The following CCDC27 variants were observed in gnomAD, a reference collection of about 807,000 sequenced individuals.
CCDC27 encodes coiled-coil domain-containing protein 27.
In CCDC27, 80 loss-of-function variants were observed where a neutral mutation model predicts 80.3. The ratio of observed to expected loss-of-function variants is 1.00; its 90% CI spans 0.83 to 1.20. The LOEUF is 1.20. Among genes scored for constraint, CCDC27 ranks in the 50% most tolerant of loss-of-function variants. The pLI is 0.00. For missense variants in CCDC27, 815 were observed against 809.4 expected (o/e 1.01, Z -0.08); for synonymous variants, 342 against 334.3 (o/e 1.02, Z -0.25).
At chr1:3,764,798 G>A (rs1643188940) in intron 8 of CCDC27, among the ~76,000 whole-genome samples, 1 of 152,180 alleles carries the variant, frequency 6.6e-6, no homozygotes, top group African/African-American at 2.4e-5. Flanking sequence ...CACTTTGGGA[G>A]GCTGAGGCAG....
At chr1:3,770,888 A>G (rs1643344491) in intron 11 of CCDC27, among the ~76,000 whole-genome samples, 1 of 152,194 alleles carries the variant, frequency 6.6e-6, no homozygotes, top group Non-Finnish European at 1.5e-5. Flanking sequence ...GCCAGGGAAG[A>G]GCACCTTTGC....
chr1:3,764,468 C>CT lies in CCDC27; in HGVS notation c.1452+640dup, dbSNP rs1553153864. The stretch of plus-strand genomic sequence containing the variant: ...CCATCTTAACATTATTTAATGCTTC[C>CT]TTTTTTTTCCTCCCTTGCCACCGCC... On this transcript the variant is annotated intron_variant, in intron 8 of 11. Transcript: ENST00000294600. 1.5e-3 allele frequency among the ~76,000 whole-genome samples: 224 copies of CT among 152,002 alleles called. 1 individual carries two copies. The highest frequency in any genetic ancestry group is 3.4e-3 in the Middle Eastern group (1 of 290).
At chr1:3,762,741 A>G (rs1224529178) in intron 6 of CCDC27, 29 bp downstream of exon 6, 1 of 1,541,234 alleles carries the variant, frequency 6.5e-7, no homozygotes, top group Non-Finnish European at 8.8e-7. Context: ...GCAGGCACGC[A>G]GTGGGGGACC....
chr1:3,769,928 C>G lies in CCDC27; in HGVS notation c.1848+41C>G. ...CAGCTGCCTCTATCCGGGCCCCAGA[C>G]CCCCAGGCCAGAGCTGTGGTAGGGG... On this transcript the variant is annotated intron_variant, in intron 11 of 11. Transcript: ENST00000294600. The surrounding 1 kb of genome is among the most constrained non-coding windows in gnomAD (Gnocchi z 4.6). 4.2e-6 allele frequency: 6 copies of G among 1,442,546 alleles called. No homozygotes were observed. Among genetic ancestry groups the G allele is most frequent in the Non-Finnish European group, 5.9e-6 (6 of 1,023,810 alleles). The allele number at this position is 1,442,546 out of a possible 1,614,324, so 89.4% of individuals were successfully genotyped here. A position where few individuals can be genotyped will look rare whatever the true frequency, so the allele number is the denominator to read the frequency against.
At chr1:3,755,960 T>C (rs1642942243) in intron 3 of CCDC27, 1 of 208,590 alleles carries the variant, frequency 4.8e-6, no homozygotes, top group Non-Finnish European at 1.0e-5. Context: ...TTTCTTGCCT[T>C]AACTGGAGGA....
At chr1:3,767,661 G>A (rs773893560) in intron 10 of CCDC27, among the ~76,000 whole-genome samples, 19 of 152,380 alleles carry the variant, frequency 1.2e-4, no homozygotes, top group East Asian at 1.9e-4. Flanking sequence ...GGAAATGTTC[G>A]TCAATGGCAG....
chr1:3,770,362 C>G (rs1473119057), intron 11 of CCDC27, among the ~76,000 whole-genome samples: 1 of 152,154 alleles, frequency 6.6e-6, no homozygotes, highest in Non-Finnish European at 1.5e-5. Flanking sequence ...GCAAGGGCCT[C>G]GGAGAAGTAG....
rs1044752842 is a variant in CCDC27, at chr1:3,769,887, G to A, written c.1848G>A (p.Gln616=). Reference sequence around the variant, plus strand: ...ACAATGACATCCTGGAAGCCCTGCAGGTATACCCCTAAGCTCAGCTGCCTC... The same window carrying A: ...ACAATGACATCCTGGAAGCCCTGCAAGTATACCCCTAAGCTCAGCTGCCTC... ...ISDNDILEAL[Q]RIISERSDYY... The change falls in exon 11 of 12, where the codon CAG becomes CAA. Residue 616 remains glutamine (Q), a splice_region_variant and synonymous_variant. Coordinates refer to ENST00000294600, the MANE Select transcript of CCDC27 (RefSeq NM_152492.3). The surrounding 1 kb of genome is among the most constrained non-coding windows in gnomAD (Gnocchi z 4.6). The A allele has an allele frequency of 1.2e-6, 2 of 1,611,712 alleles. No individual in the cohort carries two copies. The highest frequency in any genetic ancestry group is 1.7e-6 in the Non-Finnish European group (2 of 1,177,872).
chr1:3,765,188 T>C (rs1643199882), intron 8 of CCDC27, among the ~76,000 whole-genome samples: 1 of 152,216 alleles, frequency 6.6e-6, no homozygotes, highest in Non-Finnish European at 1.5e-5. Flanking sequence ...GGCCTTCCTC[T>C]GTTGTCTTCC....
Position 3,763,188 on chromosome 1 carries a change from G to T in CCDC27, c.1035G>T (p.Gly345=). 6.6e-7 allele frequency: 1 copy of T among 1,512,880 alleles called. No individual in the cohort carries two copies. Among genetic ancestry groups the T allele is most frequent in the Non-Finnish European group, 8.9e-7 (1 of 1,127,598 alleles). 93.7% of individuals were successfully genotyped at this position (1,512,880 alleles called of 1,614,324 possible). The change falls in exon 7 of 12, where the codon GGG becomes GGT. Residue 345 remains glycine (G), a synonymous_variant. Transcript: ENST00000294600. This position sits in a 1 kb window ranked among gnomAD's most constrained non-coding sequence, Gnocchi z 7.5. ...GCGAGGAGGACGAGGGCCTGGAAGG[G>T]GAGCCCGATGGGGTGGAGGACACGG... ...GGGEEDEGLE[G]EPDGVEDTGA... is the part of the protein sequence containing the mutation.
In CCDC27 at chr1:3,753,367, G is replaced by A. The variant is rs1384587002; in HGVS notation, c.318+568G>A. Among the ~76,000 whole-genome samples the A allele has an allele frequency of 5.5e-5, 8 of 146,508 alleles. No individual in the cohort carries two copies. In the East Asian group the frequency reaches 6.1e-4, roughly 11 times the overall value. Reference sequence around the variant, plus strand: ...AGACGGAGTTTCACTCTTGTCACCCGGGCTGGAGTGCAATGGCGCGATCTT... The same window carrying A: ...AGACGGAGTTTCACTCTTGTCACCCAGGCTGGAGTGCAATGGCGCGATCTT... On this transcript the variant is annotated intron_variant, in intron 1 of 11. Coordinates refer to ENST00000294600, the MANE Select transcript of CCDC27 (RefSeq NM_152492.3).
At chr1:3,756,219 T>C (rs1642948812) in intron 3 of CCDC27, 1 of 155,032 alleles carries the variant, frequency 6.5e-6, no homozygotes, top group African/African-American at 2.4e-5. Context: ...TGGGCACCTG[T>C]AATCCCAGCT....
rs1570726437 is a variant in CCDC27 at position 3,771,581 on chromosome 1, A to G, written c.*58A>G. On this transcript the variant is annotated 3_prime_UTR_variant, in exon 12 of 12. Transcript: ENST00000294600. The stretch of plus-strand genomic sequence containing the variant: ...GCAGAGGCCGGGGCCCAGCTCCAGA[A>G]CCACCCGCCCCCACCATGCGTCCTG... 5.0e-6 allele frequency: 8 copies of G among 1,587,930 alleles called. No homozygotes were observed. In the South Asian group the frequency reaches 8.9e-5, roughly 18 times the overall value.
At position 3,760,185 on chromosome 1, in the gene CCDC27, A is replaced by G. The variant is rs1643053333; in HGVS notation, c.712-1096A>G. ...CTCGGGACCATGGCTTGGGTGATGA[A>G]ATGTGATTTCTGCACTTTTTTTTCC... On this transcript the variant is annotated intron_variant, in intron 4 of 11. Coordinates refer to ENST00000294600, the MANE Select transcript of CCDC27 (RefSeq NM_152492.3). This position sits in a 1 kb window ranked among gnomAD's most constrained non-coding sequence, Gnocchi z 4.3. 6.6e-6 allele frequency among the ~76,000 whole-genome samples: 1 copy of G among 152,196 alleles called. No individual in the cohort carries two copies. Among genetic ancestry groups the G allele is most frequent in the Non-Finnish European group, 1.5e-5 (1 of 68,038 alleles).
rs1643060229 is a variant in CCDC27 at position 3,760,522 on chromosome 1, A to G, written c.712-759A>G. 1.3e-5 allele frequency among the ~76,000 whole-genome samples: 2 copies of G among 152,178 alleles called. No individual in the cohort carries two copies. The highest frequency in any genetic ancestry group is 1.3e-4 in the Admixed American group (2 of 15,276). ...TTTTAAGGCTATAAATTTGCCATTA[A>G]TCACAACTTTAACTGCGTCCCACGA... On this transcript the variant is annotated intron_variant, in intron 4 of 11. Coordinates refer to ENST00000294600, the MANE Select transcript of CCDC27 (RefSeq NM_152492.3). This position sits in a 1 kb window ranked among gnomAD's most constrained non-coding sequence, Gnocchi z 4.3.
chr1:3,770,319 C>T (rs1643330464), intron 11 of CCDC27, among the ~76,000 whole-genome samples: 1 of 152,204 alleles, frequency 6.6e-6, no homozygotes, highest in Admixed American at 6.5e-5. Context: ...CGGCCACAGC[C>T]TCCTGGGCTC....
intron 1 of CCDC27, among the ~76,000 whole-genome samples, chr1:3,753,320 C>CTTTTTT (rs71580220): frequency 5.5e-4 from 52 of 94,960 alleles, no homozygotes; most frequent in East Asian, 1.6e-3. Flanking sequence ...TTTTCTTTTT[C>CTTTTTT]TTTTTTTTTT....
At chr1:3,754,969 G>A (rs978064578) in intron 2 of CCDC27, among the ~76,000 whole-genome samples, 1 of 152,134 alleles carries the variant, frequency 6.6e-6, no homozygotes, top group South Asian at 2.1e-4. Flanking sequence ...TCTCCACGGT[G>A]GCCAGGGCTC....
intron 10 of CCDC27, among the ~76,000 whole-genome samples, chr1:3,767,817 A>G (rs1643270041): frequency 6.6e-6 from 1 of 152,190 alleles, no homozygotes; most frequent in South Asian, 2.1e-4. Flanking sequence ...TGCTTGCTGG[A>G]CCAGGCACCA....
Sources: gnomAD v4.1 joint callset for allele counts (sites outside exome capture counted in the v4.1 genomes callset) on GRCh38, gnomAD v4.1.1 for gene constraint, Gnocchi (gnomAD v3.1) non-coding constraint, MANE v1.5 for transcripts, NCBI Gene and HGNC (gene_info 2026-07-23, HGNC 2026-07-21) for gene names.